FCHO2: variants seen among roughly 807,000 people sequenced by gnomAD.
The protein encoded by FCHO2 is FCH and mu domain containing endocytic adaptor 2, also known as F-BAR domain only protein 2.
FCHO2 carries 43 observed loss-of-function variants against 114.1 expected under a neutral mutation model. The observed-to-expected ratio is 0.38, with a 90% CI of 0.30 to 0.49. The LOEUF (loss-of-function observed/expected upper bound fraction) is 0.49. FCHO2 is among the 20% of genes least tolerant of loss of function. The pLI is 0.97. For synonymous variants in FCHO2, 293 were observed against 315.2 expected (o/e 0.93, Z 0.75); for missense variants, 807 against 950.4 (o/e 0.85, Z 1.98).
intron 1 of FCHO2, among the ~76,000 whole-genome samples, chr5:72,956,553 C>T (rs1323121783): frequency 6.6e-6 from 1 of 152,048 alleles, no homozygotes; most frequent in Non-Finnish European, 1.5e-5. Context: ...TGGGGTTTTG[C>T]CTCCTGCCCT....
intron 2 of FCHO2, among the ~76,000 whole-genome samples, chr5:72,984,310 CTA>C (rs1753388643): frequency 6.6e-6 from 1 of 152,092 alleles, no homozygotes; most frequent in Non-Finnish European, 1.5e-5. Context: ...ATTTTTACAT[CTA>C]TACTTGTGAG....
chr5:73,051,861 C>A (rs932756890), intron 12 of FCHO2, among the ~76,000 whole-genome samples: 4 of 152,014 alleles, frequency 2.6e-5, no homozygotes, highest in African/African-American at 4.8e-5. Flanking sequence ...TGAGCTAACC[C>A]GACTGGCCTT....
At chr5:73,040,999 A>T (rs2112809100) in intron 10 of FCHO2, among the ~76,000 whole-genome samples, 1 of 152,228 alleles carries the variant, frequency 6.6e-6, no homozygotes, top group African/African-American at 2.4e-5. Flanking sequence ...ATTTTTCAAA[A>T]TAGGTTTTTG....
chr5:72,995,337 C>T (rs1213114018), intron 5 of FCHO2, among the ~76,000 whole-genome samples: 2 of 151,624 alleles, frequency 1.3e-5, no homozygotes, highest in African/African-American at 4.8e-5. Flanking sequence ...CTCACTGCAA[C>T]CTCCGCCTCC....
intron 9 of FCHO2, among the ~76,000 whole-genome samples, chr5:73,036,787 T>C (rs766486228): frequency 1.3e-5 from 2 of 152,240 alleles, no homozygotes; most frequent in African/African-American, 4.8e-5. Flanking sequence ...TAACATTATT[T>C]GACGTTTATA....
rs1321513300 is a variant in FCHO2, at chr5:72,974,022, A to T, written c.125+5433A>T. ...ATGTAGTTGAGCGGTTTTGAGTGAG[A>T]TTCTTAATCCTGAGTTCTAGTTTGA... On this transcript the variant is annotated intron_variant, in intron 2 of 25. Coordinates refer to ENST00000430046, the MANE Select transcript of FCHO2 (RefSeq NM_138782.3). Among the ~76,000 whole-genome samples the T allele has an allele frequency of 6.2e-3, 940 of 151,296 alleles. 11 individuals carry two copies. The highest frequency in any genetic ancestry group is 0.022 in the African/African-American group (894 of 41,302).
intron 8 of FCHO2, among the ~76,000 whole-genome samples, chr5:73,021,589 GA>G (rs1161939524): frequency 6.6e-6 from 1 of 152,016 alleles, no homozygotes; most frequent in Non-Finnish European, 1.5e-5. Context: ...ACTCTTTAAA[GA>G]GCCCGGTTAT....
At chr5:73,012,410 C>T (rs1755070957) in intron 6 of FCHO2, among the ~76,000 whole-genome samples, 1 of 151,982 alleles carries the variant, frequency 6.6e-6, no homozygotes, top group Non-Finnish European at 1.5e-5. Context: ...ATCACGAGGT[C>T]AAGAGATTGA....
At chr5:73,003,394 C>G (rs964719179) in intron 5 of FCHO2, among the ~76,000 whole-genome samples, 95 of 152,114 alleles carry the variant, frequency 6.2e-4, no homozygotes, top group African/African-American at 2.3e-3. Context: ...CCAGTCTGGT[C>G]TTGAACTCCT....
rs1171595443 is a variant in FCHO2 at position 73,053,462 on chromosome 5, G to A, written c.1174-698G>A. Among the ~76,000 whole-genome samples the A allele has an allele frequency of 2.6e-5, 4 of 152,176 alleles. No individual in the cohort carries two copies. The East Asian group carries it at 7.7e-4, about 29-fold the overall frequency. ...TGTAATCCCAGCACTTTGGGAGGCC[G>A]AGGCGGGTGGATCACAAGGTCAGGA... On this transcript the variant is annotated intron_variant, in intron 13 of 25. Coordinates refer to ENST00000430046, the MANE Select transcript of FCHO2 (RefSeq NM_138782.3).
At chr5:73,056,579 A>G (rs1189961973) in intron 16 of FCHO2, among the ~76,000 whole-genome samples, 2 of 152,116 alleles carry the variant, frequency 1.3e-5, no homozygotes, top group East Asian at 3.9e-4. Context: ...GCAATGTTGG[A>G]GTTTTTAGAA....
intron 2 of FCHO2, among the ~76,000 whole-genome samples, chr5:72,976,377 CT>C (rs969325778): frequency 3.9e-5 from 6 of 151,980 alleles, no homozygotes; most frequent in African/African-American, 1.4e-4. Context: ...CTGCACCTGG[CT>C]TTTTTGTTGT....
intron 1 of FCHO2, among the ~76,000 whole-genome samples, chr5:72,964,876 A>G (rs1561402144): frequency 1.3e-5 from 2 of 152,188 alleles, no homozygotes; most frequent in African/African-American, 2.4e-5. Flanking sequence ...AAATTCCAGA[A>G]ATAATTCATA....
At chr5:73,029,560 AAAG>A (rs1464112806) in intron 8 of FCHO2, among the ~76,000 whole-genome samples, 1 of 152,214 alleles carries the variant, frequency 6.6e-6, no homozygotes, top group Non-Finnish European at 1.5e-5. Context: ...GTGTTGCTAA[AAAG>A]AAATAATCTG....
In FCHO2 at chr5:72,999,389, T is replaced by C. The variant is rs958428378; in HGVS notation, c.496-7056T>C. Among the ~76,000 whole-genome samples, 11 of 148,492 alleles carry C rather than the reference T, an allele frequency of 7.4e-5. No homozygotes were observed. The South Asian group carries it at 2.4e-3, about 32-fold the overall frequency. On this transcript the variant is annotated intron_variant, in intron 5 of 25. Transcript: ENST00000430046. ...ACTCATTCACAGGCCTTTTTTTTTT[T>C]TTTTTTTTTTTAAGATGGAGTCTCG... is the stretch of plus-strand genomic sequence containing the variant.
chr5:72,988,548 G>A (rs1290165674), intron 2 of FCHO2, among the ~76,000 whole-genome samples: 2 of 152,152 alleles, frequency 1.3e-5, no homozygotes, highest in East Asian at 1.9e-4. Flanking sequence ...TGTTTTTTAC[G>A]GAATAAAATC....
At chr5:72,987,418 G>C (rs1753588492) in intron 2 of FCHO2, among the ~76,000 whole-genome samples, 1 of 151,936 alleles carries the variant, frequency 6.6e-6, no homozygotes, top group South Asian at 2.1e-4. Flanking sequence ...GCTCACTGCA[G>C]CCTCCGCCTC....
chr5:72,974,670 G>A (rs1055625410), intron 2 of FCHO2, among the ~76,000 whole-genome samples: 1 of 152,090 alleles, frequency 6.6e-6, no homozygotes, highest in African/African-American at 2.4e-5. Flanking sequence ...TTGCCAGTCT[G>A]TGTCTTTTAA....
chr5:73,057,898 C>A (rs113073455), intron 16 of FCHO2, among the ~76,000 whole-genome samples: 77 of 152,308 alleles, frequency 5.1e-4, no homozygotes, highest in African/African-American at 1.8e-3. Flanking sequence ...CCATTCTCCT[C>A]TGCTAACTTC....
Sources: gnomAD v4.1 joint callset for allele counts (sites outside exome capture counted in the v4.1 genomes callset) on GRCh38, gnomAD v4.1.1 for gene constraint, MANE v1.5 for transcripts, NCBI Gene and HGNC (gene_info 2026-07-23, HGNC 2026-07-21) for gene names.